CCDC138: variants seen among roughly 807,000 people sequenced by gnomAD.
CCDC138 encodes coiled-coil domain containing 138, also known as coiled-coil domain-containing protein 138.
A neutral mutation model predicts 82.3 loss-of-function variants in CCDC138; 66 were observed. The observed-to-expected ratio is 0.80, with a 90% confidence interval of 0.66 to 0.98. The LOEUF is 0.98. Ranked by LOEUF, CCDC138 falls within the 50% of genes least tolerant of loss-of-function variation. The pLI, the probability that CCDC138 is intolerant of heterozygous loss-of-function variation, is 0.00. For missense variants in CCDC138, 816 were observed against 758.9 expected, an observed-to-expected ratio of 1.08 and a Z score of -0.88; for synonymous variants, 297 against 265.4, an observed-to-expected ratio of 1.12 and a Z score of -1.16.
chr2:108,829,714 A>G (rs1237324015), intron 10 of CCDC138, among the ~76,000 whole-genome samples: 3 of 152,196 alleles, frequency 2.0e-5, no homozygotes, highest in African/African-American at 4.8e-5. Flanking sequence ...CCACCACACT[A>G]CAGCCTGGGA....
rs569752635 is a variant in CCDC138 at position 108,793,649 on chromosome 2, T to G, written c.395-891T>G. Among the ~76,000 whole-genome samples, 11 of 151,234 alleles carry G rather than the reference T, an allele frequency of 7.3e-5. No homozygotes were observed. The South Asian group carries it at 8.4e-4, about 11-fold the overall frequency. ...TCTCGCTCTGTCGCCCAGGCTGGAGTGCAGTAGCGCGATCTGGGCTCACTG... is the reference window on the plus strand; with the variant it reads ...TCTCGCTCTGTCGCCCAGGCTGGAGGGCAGTAGCGCGATCTGGGCTCACTG... On this transcript the variant is annotated intron_variant, in intron 4 of 14. Transcript: ENST00000295124.
intron 3 of CCDC138, 111 bp from the exon 4 acceptor site, chr2:108,791,563 AT>A (rs779136242): frequency 2.2e-4 from 280 of 1,287,548 alleles, no homozygotes; most frequent in Non-Finnish European, 2.9e-4. Context: ...AGTTTAAAAA[AT>A]GTTTTTACAT....
At chr2:108,829,528 T>C (rs1687195141) in intron 10 of CCDC138, among the ~76,000 whole-genome samples, 1 of 152,192 alleles carries the variant, frequency 6.6e-6, no homozygotes, top group South Asian at 2.1e-4. Flanking sequence ...GGCGGGTCAC[T>C]TGAGGTCAGG....
chr2:108,820,064 A>C (rs1339488876), intron 10 of CCDC138, among the ~76,000 whole-genome samples: 2 of 150,988 alleles, frequency 1.3e-5, no homozygotes, highest in Non-Finnish European at 2.9e-5. Flanking sequence ...AGTCAACAGC[A>C]GACTTCATTA....
At chr2:108,791,229 T>C (rs1385247173) in intron 3 of CCDC138, among the ~76,000 whole-genome samples, 4 of 152,186 alleles carry the variant, frequency 2.6e-5, no homozygotes, top group Non-Finnish European at 5.9e-5. Flanking sequence ...TTCCAAAAAT[T>C]TCAACTCAGA....
chr2:108,858,990 G>T (rs1381727121), intron 13 of CCDC138, among the ~76,000 whole-genome samples: 3 of 152,166 alleles, frequency 2.0e-5, no homozygotes, highest in African/African-American at 4.8e-5. Context: ...GCATGAGAGT[G>T]CAGGTATCTT....
At chr2:108,816,179 A>G (rs548517699) in intron 10 of CCDC138, 74 bp downstream of exon 10, 80 of 1,107,404 alleles carry the variant, frequency 7.2e-5, no homozygotes, top group Admixed American at 3.8e-4. Context: ...GGCCAGGCAC[A>G]GTGGCTCACG....
chr2:108,813,619 A>T (rs1002465029), intron 9 of CCDC138, among the ~76,000 whole-genome samples: 1 of 152,194 alleles, frequency 6.6e-6, no homozygotes, highest in Non-Finnish European at 1.5e-5. Context: ...GAATTTTTAA[A>T]ATTTGAGATA....
chr2:108,852,708 A>T (rs1413710935), intron 12 of CCDC138, among the ~76,000 whole-genome samples: 2 of 152,208 alleles, frequency 1.3e-5, no homozygotes, highest in Non-Finnish European at 2.9e-5. Flanking sequence ...TGATGAGAAC[A>T]CATGGATACA....
intron 10 of CCDC138, among the ~76,000 whole-genome samples, chr2:108,833,512 T>C (rs1159923445): frequency 6.6e-6 from 1 of 152,214 alleles, no homozygotes; most frequent in African/African-American, 2.4e-5. Context: ...GCCAGATGAA[T>C]TTAGTGAAGT....
chr2:108,793,191 AC>A (rs1268892030), intron 4 of CCDC138, among the ~76,000 whole-genome samples: 1 of 137,608 alleles, frequency 7.3e-6, no homozygotes, highest in African/African-American at 2.9e-5. Context: ...CCCTGTCTCT[AC>A]TAAAAAAAAA....
rs1466928056 is a variant in CCDC138, at chr2:108,812,926, A to G, written c.1040A>G (p.Lys347Arg). 4 of 1,612,170 alleles carry G rather than the reference A, an allele frequency of 2.5e-6. No individual in the cohort carries two copies. Among genetic ancestry groups the G allele is most frequent in the Non-Finnish European group, 3.4e-6 (4 of 1,178,622 alleles). ...AAAGCACCAGTTTCAAAAACTTACA[A>G]GGTAAGTTTGAATTATGATTTGATA... ...QEKAPVSKTY[K>R]VPLNGQVYEL... The change falls in exon 9 of 15, where the codon AAG (lysine) becomes AGG (arginine). Residue 347 changes from lysine to arginine, a missense_variant and splice_region_variant. Physicochemically the swap from Lys to Arg is conservative, Grantham distance 26. Coordinates refer to ENST00000295124, the MANE Select transcript of CCDC138 (RefSeq NM_144978.3).
In CCDC138 at chr2:108,876,194, ACT is replaced by A; in HGVS notation, c.1942_1943del (p.Leu648ValfsTer9). On this transcript the variant is annotated frameshift_variant, in exon 15 of 15. Coordinates refer to ENST00000295124, the MANE Select transcript of CCDC138 (RefSeq NM_144978.3). LOFTEE classifies it high-confidence loss of function. Reference sequence around the variant, plus strand: ...ATTTCTCTGTATTAATCTAAATTCAACTCTGTTCAATCTGGGTTTAACAAAAT... The same window carrying A: ...ATTTCTCTGTATTAATCTAAATTCAACTGTTCAATCTGGGTTTAACAAAAT... ...HAFLCINLNSTLFNLGLTKCN... is the reference protein window; with the variant it reads ...HAFLCINLNSXLFNLGLTKCN... 6.2e-7 allele frequency: 1 copy of A among 1,613,238 alleles called. No individual in the cohort carries two copies. Among genetic ancestry groups the A allele is most frequent in the African/African-American group, 1.3e-5 (1 of 74,976 alleles).
chr2:108,848,507 T>C (rs1690877874), intron 12 of CCDC138, among the ~76,000 whole-genome samples: 3 of 152,190 alleles, frequency 2.0e-5, no homozygotes, highest in Admixed American at 1.3e-4. Context: ...ATTGCTGAAG[T>C]TAAATGTCAG....
intron 7 of CCDC138, among the ~76,000 whole-genome samples, chr2:108,808,457 G>C (rs1490792935): frequency 6.6e-6 from 1 of 152,130 alleles, no homozygotes; most frequent in African/African-American, 2.4e-5. Flanking sequence ...CGTAATGGCT[G>C]TGCTAATTTA....
intron 6 of CCDC138, among the ~76,000 whole-genome samples, chr2:108,800,608 CTTTTTTTT>C (rs67529329): frequency 2.7e-4 from 9 of 33,492 alleles, no homozygotes; most frequent in South Asian, 1.7e-3. Flanking sequence ...CTCAGTTTAG[CTTTTTTTT>C]TTTTTTTTTT....
intron 13 of CCDC138, among the ~76,000 whole-genome samples, chr2:108,859,413 G>A (rs1027062269): frequency 2.0e-5 from 3 of 152,006 alleles, no homozygotes; most frequent in African/African-American, 7.2e-5. Context: ...GTAGGTCCCA[G>A]TTGTCAATTT....
intron 6 of CCDC138, among the ~76,000 whole-genome samples, chr2:108,798,852 C>T (rs933043761): frequency 6.7e-6 from 1 of 150,006 alleles, no homozygotes; most frequent in Non-Finnish European, 1.5e-5. Flanking sequence ...CACACACACA[C>T]ATTTTTTCTG....
intron 12 of CCDC138, among the ~76,000 whole-genome samples, chr2:108,851,304 T>G (rs1292930348): frequency 4.6e-5 from 7 of 152,120 alleles, no homozygotes; most frequent in Non-Finnish European, 1.0e-4. Context: ...TTTTGTTGTT[T>G]GTTTGTTTGT....
Sources: allele counts gnomAD v4.1 joint callset (sites outside exome capture counted in the v4.1 genomes callset), GRCh38; gene constraint gnomAD v4.1.1; transcripts MANE v1.5; gene names NCBI Gene and HGNC (gene_info 2026-07-23, HGNC 2026-07-21).